Variants in ROCK1 observed in about 807,000 individuals in gnomAD.
ROCK1 encodes rho-associated protein kinase 1.
A neutral mutation model predicts 196.8 loss-of-function variants in ROCK1; 36 were observed. The observed-to-expected ratio is 0.18, with a 90% CI of 0.14 to 0.24. The LOEUF is 0.24. Among genes scored for constraint, ROCK1 ranks in the 10% least tolerant of loss-of-function variants. The probability of loss-of-function intolerance (pLI) is 1.00; values close to 1 mark genes in which losing one functional copy is unlikely to be tolerated. For synonymous variants in ROCK1, 443 were observed against 515.9 expected (o/e 0.86, Z 1.91); for missense variants, 920 against 1,562.0 (o/e 0.59, Z 6.93).
intron 1 of ROCK1, among the ~76,000 whole-genome samples, chr18:21,092,673 AACC>A (rs2036581482): frequency 6.6e-6 from 1 of 151,930 alleles, no homozygotes; most frequent in Non-Finnish European, 1.5e-5. Flanking sequence ...GCATTTTTTA[AACC>A]ACATTTTTTA....
chr18:21,029,916 T>C (rs1347869108), intron 9 of ROCK1, among the ~76,000 whole-genome samples: 3 of 152,146 alleles, frequency 2.0e-5, no homozygotes, highest in Non-Finnish European at 4.4e-5. Context: ...TTAGGTACAA[T>C]AACCTCATGT....
intron 1 of ROCK1, among the ~76,000 whole-genome samples, chr18:21,088,568 G>C (rs1371540330): frequency 6.6e-6 from 1 of 152,106 alleles, no homozygotes; most frequent in Admixed American, 6.5e-5. Flanking sequence ...CCTTTCTCAA[G>C]AAACTAGAAA....
At chr18:21,059,711 C>T (rs2036272783) in intron 2 of ROCK1, among the ~76,000 whole-genome samples, 1 of 152,128 alleles carries the variant, frequency 6.6e-6, no homozygotes, top group African/African-American at 2.4e-5. Context: ...ACAATAAAAA[C>T]ATATGTCTAC....
intron 16 of ROCK1, among the ~76,000 whole-genome samples, chr18:20,997,147 A>C (rs1222019040): frequency 2.0e-5 from 3 of 152,190 alleles, no homozygotes; most frequent in Non-Finnish European, 4.4e-5. Flanking sequence ...CAATCGAAAG[A>C]CATGGAGTGG....
At chr18:20,979,388 C>A (rs187281361) in intron 22 of ROCK1, among the ~76,000 whole-genome samples, 226 of 152,204 alleles carry the variant, frequency 1.5e-3, no homozygotes, top group African/African-American at 5.2e-3. Flanking sequence ...CTTTGGGAGG[C>A]CAAGGTGGAC....
chr18:21,062,303 G>A (rs929814818), intron 2 of ROCK1, among the ~76,000 whole-genome samples: 9 of 152,070 alleles, frequency 5.9e-5, no homozygotes, highest in African/African-American at 2.2e-4. Flanking sequence ...GTAAGAACAT[G>A]TCAAAGAACA....
At chr18:20,990,089 A>G (rs943083965) in intron 18 of ROCK1, among the ~76,000 whole-genome samples, 3 of 152,036 alleles carry the variant, frequency 2.0e-5, no homozygotes, top group Non-Finnish European at 4.4e-5. Context: ...CCAAAAATAA[A>G]TAATTTTTAA....
chr18:21,070,427 G>A, intron 2 of ROCK1, 105 bp downstream of exon 2: 2 of 612,924 alleles, frequency 3.3e-6, no homozygotes, highest in Non-Finnish European at 5.5e-6. Context: ...AATCATTGAT[G>A]AAATCACCAA....
rs554765035 is a variant in ROCK1, at chr18:21,032,741, C to T, written c.1052-3806G>A. Reference sequence around the variant, plus strand: ...TTTGCCATGTTGACCAGGCTGATCTCGAACTCCTGGCCTCAAGTGATCCAC... The same window carrying T: ...TTTGCCATGTTGACCAGGCTGATCTTGAACTCCTGGCCTCAAGTGATCCAC... On this transcript the variant is annotated intron_variant, in intron 9 of 32. Transcript: ENST00000399799. Among the ~76,000 whole-genome samples, 4 of 148,502 alleles carry T rather than the reference C, an allele frequency of 2.7e-5. No individual in the cohort carries two copies. The South Asian group carries it at 6.4e-4, about 24-fold the overall frequency.
intron 1 of ROCK1, among the ~76,000 whole-genome samples, chr18:21,084,586 T>C (rs1378564491): frequency 2.6e-5 from 4 of 152,154 alleles, no homozygotes; most frequent in Non-Finnish European, 5.9e-5. Context: ...TAGTTATTAT[T>C]TTAAAAAATC....
chr18:20,969,036 T>C (rs2035400964), intron 24 of ROCK1, 79 bp downstream of exon 24: 12 of 1,028,454 alleles, frequency 1.2e-5, no homozygotes, highest in Admixed American at 6.3e-5. Flanking sequence ...ACAGGTATCT[T>C]AGAAACCTAA....
intron 20 of ROCK1, among the ~76,000 whole-genome samples, 184 bp downstream of exon 20, chr18:20,984,167 G>A (rs1380508292): frequency 6.6e-6 from 1 of 152,012 alleles, no homozygotes; most frequent in Non-Finnish European, 1.5e-5. Context: ...AGAAAACTGT[G>A]GTCTTTCCAA....
rs754599657 is a variant in ROCK1 at position 21,006,681 on chromosome 18, C to T, written c.1638+18G>A. 1 of 1,584,216 alleles carries T rather than the reference C, an allele frequency of 6.3e-7. No homozygotes were observed. Among genetic ancestry groups the T allele is most frequent in the Non-Finnish European group, 8.5e-7 (1 of 1,170,880 alleles). On this transcript the variant is annotated intron_variant, in intron 15 of 32. Transcript: ENST00000399799. ...ATCTACAATTTTTTTAAAAAGGAAC[C>T]TCATTTGAAACACTTACCTGCTTTT... is the stretch of plus-strand genomic sequence containing the variant.
intron 3 of ROCK1, 142 bp downstream of exon 3, chr18:21,049,638 C>CAT: frequency 3.3e-6 from 2 of 603,482 alleles, no homozygotes; most frequent in Non-Finnish European, 2.8e-6. Context: ...ACTAGGCTTC[C>CAT]ATACCCTCAG....
intron 19 of ROCK1, among the ~76,000 whole-genome samples, chr18:20,985,125 G>A (rs757932090): frequency 5.3e-5 from 8 of 151,796 alleles, no homozygotes; most frequent in Non-Finnish European, 1.0e-4. Flanking sequence ...ATTCCTGGGG[G>A]AACATTTGAA....
chr18:21,102,347 T>C (rs529382794), intron 1 of ROCK1, among the ~76,000 whole-genome samples: 68 of 152,318 alleles, frequency 4.5e-4, no homozygotes, highest in African/African-American at 1.6e-3. Context: ...ATCATATCTC[T>C]TACCTGCCCT....
chr18:21,008,469 T>C (rs150962678), intron 13 of ROCK1, among the ~76,000 whole-genome samples: 3,837 of 152,288 alleles, frequency 0.025, 185 homozygotes, highest in African/African-American at 0.088. Flanking sequence ...AGACGGCTTT[T>C]GCCATGTTGG....
chr18:21,025,419 C>T (rs1266280995), intron 10 of ROCK1, among the ~76,000 whole-genome samples: 1 of 152,112 alleles, frequency 6.6e-6, no homozygotes, highest in Non-Finnish European at 1.5e-5. Flanking sequence ...TACAATAAAG[C>T]TAATCAATAT....
chr18:21,107,190 C>T (rs1289143030), intron 1 of ROCK1, among the ~76,000 whole-genome samples: 5 of 152,132 alleles, frequency 3.3e-5, no homozygotes, highest in South Asian at 2.1e-4. Context: ...CCACTTATGG[C>T]GTCATGTCAG....
Sources: gnomAD v4.1 joint callset for allele counts (sites outside exome capture counted in the v4.1 genomes callset) on GRCh38, gnomAD v4.1.1 for gene constraint, MANE v1.5 for transcripts, NCBI Gene and HGNC (gene_info 2026-07-23, HGNC 2026-07-21) for gene names.